DSCAM: variants seen among roughly 807,000 people sequenced by gnomAD.
DSCAM encodes DS cell adhesion molecule.
A neutral mutation model predicts 217.7 loss-of-function variants in DSCAM; 47 were observed. That is an observed-to-expected ratio of 0.22 (90% confidence interval 0.17 to 0.28). The LOEUF (loss-of-function observed/expected upper bound fraction) is 0.28, where lower values mean the gene tolerates loss of function less well. DSCAM is among the 10% of genes least tolerant of loss of function. The pLI, the probability that DSCAM is intolerant of heterozygous loss-of-function variation, is 1.00. For missense variants in DSCAM, 2,080 were observed against 2,618.3 expected (o/e 0.79, Z 4.49); for synonymous variants, 1,056 against 1,015.3 (o/e 1.04, Z -0.76).
chr21:40,311,262 G>A (rs1433848103), intron 9 of DSCAM, among the ~76,000 whole-genome samples: 1 of 152,230 alleles, frequency 6.6e-6, no homozygotes, highest in African/African-American at 2.4e-5. Flanking sequence ...CTTTTGCAAT[G>A]TGGATGAATA....
intron 3 of DSCAM, among the ~76,000 whole-genome samples, chr21:40,490,961 T>C (rs1417730946): frequency 6.6e-6 from 1 of 152,200 alleles, no homozygotes; most frequent in Non-Finnish European, 1.5e-5. Flanking sequence ...ATGACATGGA[T>C]GAGCTCCATT....
chr21:40,317,251 TAAC>T (rs1245204455), intron 8 of DSCAM, among the ~76,000 whole-genome samples: 1 of 152,322 alleles, frequency 6.6e-6, no homozygotes, highest in Admixed American at 6.5e-5. Context: ...TTCTGCTACT[TAAC>T]AACATCGTTT....
intron 3 of DSCAM, among the ~76,000 whole-genome samples, chr21:40,373,177 A>G (rs988991795): frequency 1.3e-5 from 2 of 152,154 alleles, no homozygotes; most frequent in African/African-American, 2.4e-5. Flanking sequence ...CTAGAAATCT[A>G]TTTTGCTGAA....
At chr21:40,250,796 T>C (rs942545715) in intron 11 of DSCAM, among the ~76,000 whole-genome samples, 3 of 152,186 alleles carry the variant, frequency 2.0e-5, no homozygotes, top group African/African-American at 7.2e-5. Flanking sequence ...TGGCCGGAAG[T>C]AATTAAGCAC....
At chr21:40,171,966 G>T (rs1337124659) in intron 15 of DSCAM, among the ~76,000 whole-genome samples, 1 of 152,200 alleles carries the variant, frequency 6.6e-6, no homozygotes, top group African/African-American at 2.4e-5. Flanking sequence ...GGAAATTTAA[G>T]AATTTACTTA....
chr21:40,415,577 T>A (rs989311118), intron 3 of DSCAM, among the ~76,000 whole-genome samples: 2 of 152,178 alleles, frequency 1.3e-5, no homozygotes, highest in African/African-American at 4.8e-5. Context: ...AAATCTAGAA[T>A]CCTGAAAGGA....
intron 8 of DSCAM, among the ~76,000 whole-genome samples, chr21:40,326,078 A>G (rs1266292426): frequency 1.3e-5 from 2 of 152,222 alleles, no homozygotes; most frequent in Non-Finnish European, 2.9e-5. Flanking sequence ...AAATAAATAT[A>G]TTAAGTACAC....
chr21:40,507,682 C>T (rs1452730618), intron 3 of DSCAM, among the ~76,000 whole-genome samples: 3 of 152,006 alleles, frequency 2.0e-5, no homozygotes, highest in Non-Finnish European at 4.4e-5. Flanking sequence ...CCCAGCTACT[C>T]GGGAGGCTGA....
intron 3 of DSCAM, among the ~76,000 whole-genome samples, chr21:40,486,781 G>A (rs2076032104): frequency 6.6e-6 from 1 of 152,118 alleles, no homozygotes; most frequent in South Asian, 2.1e-4. Context: ...AATGGCTCAA[G>A]CTTGAAACCA....
At chr21:40,786,310 G>A (rs1361906801) in intron 1 of DSCAM, among the ~76,000 whole-genome samples, 1 of 151,642 alleles carries the variant, frequency 6.6e-6, no homozygotes, top group African/African-American at 2.4e-5. Context: ...AAGAAAGAAA[G>A]AGGGAGAAAG....
At chr21:40,187,348 G>A (rs145944280) in intron 13 of DSCAM, 89 bp from the exon 14 acceptor site, 4 of 1,512,564 alleles carry the variant, frequency 2.6e-6, no homozygotes, top group East Asian at 2.3e-5. Context: ...ACTCACAAAC[G>A]ATTTGTCTGC....
intron 3 of DSCAM, among the ~76,000 whole-genome samples, chr21:40,689,146 A>T (rs2146443264): frequency 6.6e-6 from 1 of 152,378 alleles, no homozygotes; most frequent in East Asian, 1.9e-4. Context: ...GGCAAAACCT[A>T]GTGAGACATA....
chr21:40,326,644 T>C (rs1469512178), intron 8 of DSCAM, among the ~76,000 whole-genome samples: 5 of 152,178 alleles, frequency 3.3e-5, no homozygotes, highest in Non-Finnish European at 2.9e-5. Context: ...TCTCTATTTG[T>C]ATGTATGTCA....
chr21:40,775,970 A>T (rs1364092353), intron 1 of DSCAM, among the ~76,000 whole-genome samples: 2 of 152,164 alleles, frequency 1.3e-5, no homozygotes, highest in Non-Finnish European at 2.9e-5. Flanking sequence ...AACCAACCAT[A>T]GTGATGTGAA....
At chr21:40,516,263 T>G (rs576246964) in intron 3 of DSCAM, among the ~76,000 whole-genome samples, 4 of 152,308 alleles carry the variant, frequency 2.6e-5, no homozygotes, top group African/African-American at 9.6e-5. Flanking sequence ...CTAAACTATG[T>G]AATTATAATA....
At chr21:40,543,006 T>C (rs1401780777) in intron 3 of DSCAM, among the ~76,000 whole-genome samples, 1 of 152,140 alleles carries the variant, frequency 6.6e-6, no homozygotes, top group Non-Finnish European at 1.5e-5. Context: ...GAAGACAATA[T>C]ATGCTCCTTG....
At chr21:40,631,256 G>A (rs2089687819) in intron 3 of DSCAM, among the ~76,000 whole-genome samples, 1 of 152,082 alleles carries the variant, frequency 6.6e-6, no homozygotes, top group Non-Finnish European at 1.5e-5. Context: ...CATGTCATTT[G>A]TCTTCTTGTT....
At position 40,519,850 on chromosome 21, in the gene DSCAM, C is replaced by CTG. The variant is rs374082307; in HGVS notation, c.509-150607_509-150606dup. ...TGTCTCTCTCACTCTCTCTCTCTCT[C>CTG]TGTGTGTGTGTATGCGTGTGTGTGT... On this transcript the variant is annotated intron_variant, in intron 3 of 32. Transcript: ENST00000400454. 3.9e-3 allele frequency among the ~76,000 whole-genome samples: 586 copies of CTG among 151,520 alleles called. 3 individuals are homozygous for CTG. The highest frequency in any genetic ancestry group is 4.2e-3 in the Non-Finnish European group (285 of 67,844).
intron 3 of DSCAM, among the ~76,000 whole-genome samples, chr21:40,585,668 C>T (rs1375071497): frequency 1.3e-5 from 2 of 152,012 alleles, no homozygotes; most frequent in South Asian, 2.1e-4. Flanking sequence ...AGTTGTAGGT[C>T]GAAATTTGAT....
Sources: gnomAD v4.1 joint callset for allele counts (sites outside exome capture counted in the v4.1 genomes callset) on GRCh38, gnomAD v4.1.1 for gene constraint, MANE v1.5 for transcripts, NCBI Gene and HGNC (gene_info 2026-07-23, HGNC 2026-07-21) for gene names.